Variants in ZMYM2 observed in about 807,000 individuals in gnomAD.
ZMYM2 encodes zinc finger MYM-type containing 2.
In ZMYM2, 56 loss-of-function variants were observed where a neutral mutation model predicts 162.8. The ratio of observed to expected loss-of-function variants is 0.34; its 90% CI spans 0.28 to 0.43. The LOEUF (loss-of-function observed/expected upper bound fraction) is 0.43. Ranked by LOEUF, ZMYM2 falls within the 20% of genes least tolerant of loss-of-function variation. The pLI is 1.00. For synonymous variants in ZMYM2, 510 were observed against 541.6 expected (o/e 0.94, Z 0.81); for missense variants, 1,275 against 1,621.8 (o/e 0.79, Z 3.67).
At chr13:19,878,352 CG>C in the ZMYM2 span, among the ~76,000 whole-genome samples, 85 of 151,648 alleles carry the variant, frequency 5.6e-4, no homozygotes, top group Non-Finnish European at 7.4e-5. Context: ...TACACCTGGC[CG>C]GTAGTAGCTT....
the ZMYM2 span, among the ~76,000 whole-genome samples, chr13:19,934,559 A>G: frequency 0.48 from 73,504 of 151,966 alleles, 17,930 homozygotes; most frequent in African/African-American, 0.55. Context: ...ACTTAGCTCC[A>G]TCCCTTTAAA....
intron 2 of ZMYM2, among the ~76,000 whole-genome samples, chr13:19,985,746 C>T (rs968576403): frequency 2.0e-5 from 3 of 150,548 alleles, no homozygotes; most frequent in African/African-American, 7.3e-5. Context: ...CGTGGTGGCA[C>T]GTGCCTGTAG....
chr13:20,048,000 A>G (rs1954976639), intron 12 of ZMYM2, among the ~76,000 whole-genome samples: 1 of 152,070 alleles, frequency 6.6e-6, no homozygotes, highest in Non-Finnish European at 1.5e-5. Flanking sequence ...ATTGTAATAC[A>G]ATAATAGCTA....
At chr13:19,972,899 A>T (rs1956446896) in intron 2 of ZMYM2, among the ~76,000 whole-genome samples, 1 of 150,486 alleles carries the variant, frequency 6.6e-6, no homozygotes, top group Non-Finnish European at 1.5e-5. Flanking sequence ...GTTACAAATT[A>T]TATATATACA....
chr13:20,077,082 C>G (rs1957559345), intron 21 of ZMYM2, among the ~76,000 whole-genome samples: 1 of 150,226 alleles, frequency 6.7e-6, no homozygotes, highest in East Asian at 1.9e-4. Flanking sequence ...GCCACCACGC[C>G]TGGCCTCTTT....
the ZMYM2 span, among the ~76,000 whole-genome samples, chr13:19,873,389 T>TTTAA: frequency 7.6e-6 from 1 of 131,428 alleles, no homozygotes; most frequent in Non-Finnish European, 1.6e-5. Context: ...ATTTTATTTA[T>TTTAA]TTATTTATTT....
rs539535224 is a variant in ZMYM2, at chr13:20,071,219, C to A, written c.3453+3829C>A. ...CCTGAGGAGGCTGGCATTACAGGTGCCCACCATCATGCCCAGCTAATTTTT... is the reference window on the plus strand; with the variant it reads ...CCTGAGGAGGCTGGCATTACAGGTGACCACCATCATGCCCAGCTAATTTTT... On this transcript the variant is annotated intron_variant, in intron 21 of 24. Coordinates refer to ENST00000610343, the MANE Select transcript of ZMYM2 (RefSeq NM_197968.4). Among the ~76,000 whole-genome samples, 10 of 152,236 alleles carry A rather than the reference C, an allele frequency of 6.6e-5. No homozygotes were observed. In the South Asian group the frequency reaches 8.3e-4, roughly 13 times the overall value.
upstream of ZMYM2, among the ~76,000 whole-genome samples, chr13:19,958,374 C>T (rs997452780): frequency 2.0e-5 from 3 of 152,066 alleles, no homozygotes; most frequent in Admixed American, 6.5e-5. Flanking sequence ...CTGTGTAGGT[C>T]CCGGAGAGCC....
the ZMYM2 span, among the ~76,000 whole-genome samples, chr13:19,884,202 C>T: frequency 6.6e-6 from 1 of 152,056 alleles, no homozygotes; most frequent in East Asian, 1.9e-4. Flanking sequence ...ATCCCCAGCT[C>T]TCAAAAAAAT....
At chr13:19,924,427 G>T in the ZMYM2 span, among the ~76,000 whole-genome samples, 4 of 152,110 alleles carry the variant, frequency 2.6e-5, no homozygotes, top group Admixed American at 2.6e-4. Flanking sequence ...AATTAGCTGG[G>T]TGTGGTAGTG....
At chr13:19,959,235 C>T (rs1157716754) in intron 1 of ZMYM2, among the ~76,000 whole-genome samples, 1 of 147,714 alleles carries the variant, frequency 6.8e-6, no homozygotes, top group African/African-American at 2.5e-5. Context: ...GGTCGCGGGG[C>T]ATTTTCCTTT....
chr13:20,012,127 C>CA (rs1169299669), intron 6 of ZMYM2, among the ~76,000 whole-genome samples: 1 of 152,066 alleles, frequency 6.6e-6, no homozygotes, highest in Non-Finnish European at 1.5e-5. Context: ...CTTCAGTGAT[C>CA]CTCCTGCCTT....
intron 2 of ZMYM2, among the ~76,000 whole-genome samples, chr13:19,978,118 C>T (rs1013760435): frequency 6.6e-6 from 1 of 152,000 alleles, no homozygotes; most frequent in African/African-American, 2.4e-5. Context: ...ACCTAGTGAT[C>T]CTCCCACCTT....
chr13:19,894,473 G>C, the ZMYM2 span, among the ~76,000 whole-genome samples: 6 of 151,460 alleles, frequency 4.0e-5, no homozygotes, highest in Admixed American at 3.3e-4. Context: ...AACCTCCCAA[G>C]TAGCTGGAAT....
intron 3 of ZMYM2, among the ~76,000 whole-genome samples, chr13:20,001,146 C>T (rs1381782854): frequency 6.6e-6 from 1 of 152,156 alleles, no homozygotes; most frequent in Non-Finnish European, 1.5e-5. Flanking sequence ...AATCCCAGCA[C>T]TTTGGGTGAC....
chr13:19,941,677 AGGGTTCT>A, the ZMYM2 span, among the ~76,000 whole-genome samples: 2 of 146,034 alleles, frequency 1.4e-5, no homozygotes, highest in South Asian at 4.4e-4. Context: ...TACTTGTATA[AGGGTTCT>A]GGGTACAGAA....
chr13:19,900,757 G>T, the ZMYM2 span, among the ~76,000 whole-genome samples: 1 of 152,076 alleles, frequency 6.6e-6, no homozygotes, highest in South Asian at 2.1e-4. Flanking sequence ...CTACAAAACA[G>T]AATTCAACAA....
chr13:19,871,321 T>A, the ZMYM2 span, among the ~76,000 whole-genome samples: 13,007 of 152,204 alleles, frequency 0.085, 733 homozygotes, highest in Non-Finnish European at 0.12. Context: ...AATAGACATT[T>A]TTGCAAAGTG....
At chr13:20,072,327 C>A (rs557920578) in intron 21 of ZMYM2, among the ~76,000 whole-genome samples, 3 of 152,256 alleles carry the variant, frequency 2.0e-5, no homozygotes, top group East Asian at 1.9e-4. Flanking sequence ...TCTAGACCAG[C>A]CTGGCCGACA....
Sources: gnomAD v4.1 joint callset for allele counts (sites outside exome capture counted in the v4.1 genomes callset) on GRCh38, gnomAD v4.1.1 for gene constraint, MANE v1.5 for transcripts, NCBI Gene and HGNC (gene_info 2026-07-23, HGNC 2026-07-21) for gene names.